The following KCTD7 variants were observed in gnomAD, a reference collection of about 807,000 sequenced individuals.
The protein encoded by KCTD7 is BTB/POZ domain-containing protein KCTD7.
In KCTD7, 15 loss-of-function variants were observed where a neutral mutation model predicts 27.0. That is an observed-to-expected ratio of 0.56 (90% CI 0.37 to 0.86). The LOEUF (loss-of-function observed/expected upper bound fraction) is 0.86, where lower values mean the gene tolerates loss of function less well. KCTD7 is among the 40% of genes least tolerant of loss of function. KCTD7 has a pLI of 0.00. For synonymous variants in KCTD7, 159 were observed against 162.7 expected, an observed-to-expected ratio of 0.98 and a Z score of 0.17; for missense variants, 299 against 398.9, an observed-to-expected ratio of 0.75 and a Z score of 2.13.
Position 66,639,586 on chromosome 7 carries a change from C to G in KCTD7, c.*354C>G, listed in dbSNP as rs540871291. 1,208 of 1,350,300 alleles carry G rather than the reference C, an allele frequency of 8.9e-4. 2 individuals are homozygous for G. Among genetic ancestry groups the G allele is most frequent in the Non-Finnish European group, 1.1e-3 (1,160 of 1,046,750 alleles). The allele number at this position is 1,350,300 out of a possible 1,614,324, so 83.6% of individuals were successfully genotyped here. On this transcript the variant is annotated 3_prime_UTR_variant, in exon 4 of 4. Transcript: ENST00000639828. The stretch of plus-strand genomic sequence containing the variant: ...AGAGTTTCTGCCCATTTTAGAGCCA[C>G]GTTACCAAATCGATGTAGGCCTAAT...
intron 2 of KCTD7, among the ~76,000 whole-genome samples, chr7:66,633,947 C>G (rs1786513095): frequency 1.3e-5 from 2 of 151,918 alleles, no homozygotes; most frequent in Non-Finnish European, 2.9e-5. Context: ...GAGATCACGC[C>G]TCTGCGCTCC....
chr7:66,640,723 T>C lies in KCTD7; in HGVS notation c.*1491T>C, dbSNP rs1447094859. On this transcript the variant is annotated 3_prime_UTR_variant, in exon 4 of 4. Transcript: ENST00000639828. ...CACACACCTGTAGTACCAGCTACTC[T>C]GGAGGCTGAGGCAGGAGGATCACTT... 5 of 1,134,304 alleles carry C rather than the reference T, an allele frequency of 4.4e-6. No individual in the cohort carries two copies. Among genetic ancestry groups the C allele is most frequent in the Non-Finnish European group, 4.3e-6 (4 of 924,610 alleles). The allele number at this position is 1,134,304 out of a possible 1,614,324, so 70.3% of individuals were successfully genotyped here.
intron 1 of KCTD7, among the ~76,000 whole-genome samples, chr7:66,632,665 T>C (rs950126108): frequency 1.3e-5 from 2 of 151,880 alleles, no homozygotes; most frequent in African/African-American, 4.8e-5. Context: ...AGCACTAAGA[T>C]AGTAAATTCA....
In KCTD7 at chr7:66,640,349, C is replaced by T; in HGVS notation, c.*1117C>T. The T allele has an allele frequency of 1.3e-6, 2 of 1,535,816 alleles. No individual in the cohort carries two copies. The highest frequency in any genetic ancestry group is 1.7e-6 in the Non-Finnish European group (2 of 1,146,360). ...ACTCACTTCTTTATATTTTGTTTTACTCCTCACTCCTGTATATTTTGGTTT... is the reference window on the plus strand; with the variant it reads ...ACTCACTTCTTTATATTTTGTTTTATTCCTCACTCCTGTATATTTTGGTTT... On this transcript the variant is annotated 3_prime_UTR_variant, in exon 4 of 4. Transcript: ENST00000639828.
In KCTD7 at chr7:66,638,357, A is replaced by G. The variant is rs778155909; in HGVS notation, c.419A>G (p.Gln140Arg). The change falls in exon 3 of 4, where the codon CAG (glutamine) becomes CGG (arginine). Residue 140 changes from glutamine (Q) to arginine (R), a missense_variant. Gln to Arg is a conservative substitution (Grantham distance 43, BLOSUM62 1). Transcript: ENST00000639828. Reference protein sequence around the residue: ...QYYAIGPLLEQLENMQPLKGE... With the variant: ...QYYAIGPLLERLENMQPLKGE... ...TATGCCATCGGGCCCCTCCTGGAGC[A>G]GCTGGAGAACATGCAGCCACTGAAG... 6.8e-6 allele frequency: 11 copies of G among 1,614,216 alleles called. No individual in the cohort carries two copies. Among genetic ancestry groups the G allele is most frequent in the Non-Finnish European group, 9.3e-6 (11 of 1,180,038 alleles).
At position 66,639,503 on chromosome 7, in the gene KCTD7, T is replaced by C; in HGVS notation, c.*271T>C. On this transcript the variant is annotated 3_prime_UTR_variant, in exon 4 of 4. Transcript: ENST00000639828. ...CATGGTAGTCTTTCCTTGAGGCTGATAGCTAGGGCTTGACCAGGAAGTCCC... is the reference window on the plus strand; with the variant it reads ...CATGGTAGTCTTTCCTTGAGGCTGACAGCTAGGGCTTGACCAGGAAGTCCC... 2 of 1,397,184 alleles carry C rather than the reference T, an allele frequency of 1.4e-6. No individual in the cohort carries two copies. The highest frequency in any genetic ancestry group is 1.9e-6 in the Non-Finnish European group (2 of 1,075,000). The allele number at this position is 1,397,184 out of a possible 1,614,324, so 86.5% of individuals were successfully genotyped here.
rs376524066 is a variant in KCTD7, at chr7:66,633,301, C to T, written c.171C>T (p.Ile57=). The change falls in exon 2 of 4, where the codon ATC becomes ATT. Residue 57 remains isoleucine (I), a synonymous_variant. Coordinates refer to ENST00000639828, the MANE Select transcript of KCTD7 (RefSeq NM_153033.5). ...TTCCTGAGGTTGTTCCCCTTAACATCGGAGGGGCTCACTTCACTACACGCC... is the reference window on the plus strand; with the variant it reads ...TTCCTGAGGTTGTTCCCCTTAACATTGGAGGGGCTCACTTCACTACACGCC... ...QEFPEVVPLN[I]GGAHFTTRLS... 3.5e-5 allele frequency: 57 copies of T among 1,613,770 alleles called. No individual in the cohort carries two copies. Among genetic ancestry groups the T allele is most frequent in the Non-Finnish European group, 4.2e-5 (50 of 1,179,866 alleles).
rs183146094 is a variant in KCTD7, at chr7:66,633,650, C to A, written c.314+206C>A. 4.4e-4 allele frequency among the ~76,000 whole-genome samples: 65 copies of A among 146,986 alleles called. 1 individual carries two copies. Among genetic ancestry groups the A allele is most frequent in the Admixed American group, 4.2e-3 (61 of 14,556 alleles). On this transcript the variant is annotated intron_variant, in intron 2 of 3. Coordinates refer to ENST00000639828, the MANE Select transcript of KCTD7 (RefSeq NM_153033.5). Reference sequence around the variant, plus strand: ...AGACAGCCAGAGAAATTCGAAATAACACACTGGCTGGATGAAATTGCTTCA... The same window carrying A: ...AGACAGCCAGAGAAATTCGAAATAAAACACTGGCTGGATGAAATTGCTTCA...
rs1447438703 is a variant in KCTD7 at position 66,640,360 on chromosome 7, T to A, written c.*1128T>A. On this transcript the variant is annotated 3_prime_UTR_variant, in exon 4 of 4. Coordinates refer to ENST00000639828, the MANE Select transcript of KCTD7 (RefSeq NM_153033.5). The stretch of plus-strand genomic sequence containing the variant: ...TATATTTTGTTTTACTCCTCACTCC[T>A]GTATATTTTGGTTTACTTACTCCTC... The A allele has an allele frequency of 6.5e-7, 1 of 1,537,030 alleles. No homozygotes were observed. Among genetic ancestry groups the A allele is most frequent in the South Asian group, 1.2e-5 (1 of 84,058 alleles).
intron 1 of KCTD7, among the ~76,000 whole-genome samples, chr7:66,631,288 A>G (rs1786435603): frequency 6.6e-6 from 1 of 152,152 alleles, no homozygotes; most frequent in South Asian, 2.1e-4. Flanking sequence ...GGAGAGATGT[A>G]ATATTGAAAA....
Position 66,638,888 on chromosome 7 carries a change from C to G in KCTD7, c.526C>G (p.Leu176Val). 1 of 1,614,070 alleles carries G rather than the reference C, an allele frequency of 6.2e-7. No individual in the cohort carries two copies. The highest frequency in any genetic ancestry group is 1.1e-5 in the South Asian group (1 of 91,074). The change falls in exon 4 of 4, where the codon CTG (leucine) becomes GTG (valine). Residue 176 changes from leucine (L) to valine (V), a missense_variant. By Grantham distance (32) the Leu-to-Val change is conservative. Transcript: ENST00000639828. ...GGAGCGGATTGTGGAGATCGCCCGG[C>G]TGCGTGCGGTCCAGCGGAAGGCCCG... ...HLERIVEIAR[L>V]RAVQRKARFA...
At chr7:66,632,825 T>C (rs977674003) in intron 1 of KCTD7, among the ~76,000 whole-genome samples, 2 of 151,676 alleles carry the variant, frequency 1.3e-5, no homozygotes, top group African/African-American at 4.8e-5. Context: ...AGGTGGATCA[T>C]GAGGTCAGGA....
At chr7:66,632,808 C>T (rs1042128718) in intron 1 of KCTD7, among the ~76,000 whole-genome samples, 1 of 151,836 alleles carries the variant, frequency 6.6e-6, no homozygotes, top group African/African-American at 2.4e-5. Context: ...CTTTGGGAGG[C>T]CGAGGCAGGT....
rs1212544204 is a variant in KCTD7 at position 66,641,854 on chromosome 7, G to C, written c.*2622G>C. On this transcript the variant is annotated 3_prime_UTR_variant, in exon 4 of 4. Coordinates refer to ENST00000639828, the MANE Select transcript of KCTD7 (RefSeq NM_153033.5). ...CTGTGGAAGTGACTTTTCCCCATTT[G>C]ATCCCTTTTCAACTCTAAATGGCCA... is the stretch of plus-strand genomic sequence containing the variant. 1 of 985,482 alleles carries C rather than the reference G, an allele frequency of 1.0e-6. No homozygotes were observed. Among genetic ancestry groups the C allele is most frequent in the African/African-American group, 1.7e-5 (1 of 57,372 alleles). 61.0% of individuals were successfully genotyped at this position (985,482 alleles called of 1,614,324 possible).
chr7:66,631,568 C>CA (rs147951741), intron 1 of KCTD7, among the ~76,000 whole-genome samples: 14,176 of 100,076 alleles, frequency 0.14, 753 homozygotes, highest in Non-Finnish European at 0.15. Context: ...GATTCCGTCT[C>CA]AAAAAAAAAA....
In KCTD7 at chr7:66,640,268, C is replaced by T. The variant is rs1333920944; in HGVS notation, c.*1036C>T. 7 of 1,502,236 alleles carry T rather than the reference C, an allele frequency of 4.7e-6. No homozygotes were observed. In the Admixed American group the frequency reaches 6.3e-5, roughly 13 times the overall value. 93.1% of individuals were successfully genotyped at this position (1,502,236 alleles called of 1,614,324 possible). On this transcript the variant is annotated 3_prime_UTR_variant, in exon 4 of 4. Transcript: ENST00000639828. ...TGAGACACACAGCTATCCTAGGAGC[C>T]GTAGGAAGACAAAACTTCCCTTTTG...
intron 1 of KCTD7, among the ~76,000 whole-genome samples, chr7:66,629,458 T>A (rs1786397580): frequency 7.0e-6 from 1 of 142,456 alleles, no homozygotes; most frequent in Non-Finnish European, 1.5e-5. Context: ...CAGTAGTCAC[T>A]GGGGTGATTT....
chr7:66,638,770 C>A (rs373780011), intron 3 of KCTD7, 86 bp from the exon 4 acceptor site: 12 of 1,517,656 alleles, frequency 7.9e-6, no homozygotes, highest in South Asian at 4.6e-5. Context: ...TGCATCCTGC[C>A]ATCTTCAGGA....
chr7:66,634,320 T>C lies in KCTD7; in HGVS notation c.314+876T>C, dbSNP rs370086953. On this transcript the variant is annotated intron_variant, in intron 2 of 3. Coordinates refer to ENST00000639828, the MANE Select transcript of KCTD7 (RefSeq NM_153033.5). ...CTCCCACCTTGGCCTCCTAAAATGC[T>C]GGTATTACAGTATTTATTTAAGTTT... Among the ~76,000 whole-genome samples the C allele has an allele frequency of 1.3e-4, 20 of 151,908 alleles. No individual in the cohort carries two copies. In the East Asian group the frequency reaches 2.3e-3, roughly 18 times the overall value.
Sources: gnomAD v4.1 joint callset for allele counts (sites outside exome capture counted in the v4.1 genomes callset) on GRCh38, gnomAD v4.1.1 for gene constraint, MANE v1.5 for transcripts, NCBI Gene and HGNC (gene_info 2026-07-23, HGNC 2026-07-21) for gene names.